Variants in LRBA observed in about 807,000 individuals in gnomAD.
LRBA encodes the protein LPS responsive beige-like anchor protein.
LRBA carries 176 observed loss-of-function variants against 330.0 expected under a neutral mutation model. The ratio of observed to expected loss-of-function variants is 0.53; its 90% confidence interval spans 0.47 to 0.60. LRBA has a LOEUF of 0.60. LRBA is among the 20% of genes least tolerant of loss of function. The pLI, the probability that LRBA is intolerant of heterozygous loss-of-function variation, is 0.00. For synonymous variants in LRBA, 1,230 were observed against 1,193.0 expected, an observed-to-expected ratio of 1.03 and a Z score of -0.64; for missense variants, 3,259 against 3,444.8, an observed-to-expected ratio of 0.95 and a Z score of 1.35.
chr4:150,461,115 A>G (rs538780484), intron 44 of LRBA, among the ~76,000 whole-genome samples: 1 of 151,954 alleles, frequency 6.6e-6, no homozygotes, highest in Non-Finnish European at 1.5e-5. Flanking sequence ...AAAGACAACA[A>G]GAGTAGGGCA....
At chr4:150,789,030 T>C (rs917222064) in intron 34 of LRBA, among the ~76,000 whole-genome samples, 17 of 152,276 alleles carry the variant, frequency 1.1e-4, no homozygotes, top group Admixed American at 1.1e-3. Context: ...GCCGAGATCA[T>C]GCCACTGCAC....
At chr4:150,640,062 T>C (rs1300823513) in intron 37 of LRBA, among the ~76,000 whole-genome samples, 2 of 151,122 alleles carry the variant, frequency 1.3e-5, no homozygotes, top group East Asian at 3.9e-4. Flanking sequence ...TTCACTATGT[T>C]AGCCAGGCTG....
chr4:150,590,912 G>A (rs1772746429), intron 38 of LRBA, 53 bp from the exon 39 acceptor site: 1 of 1,584,610 alleles, frequency 6.3e-7, no homozygotes, highest in Non-Finnish European at 8.6e-7. Context: ...GAGCACTTCG[G>A]CAGAGGGGTA....
intron 37 of LRBA, among the ~76,000 whole-genome samples, chr4:150,661,751 C>T (rs969339688): frequency 6.6e-6 from 1 of 151,816 alleles, no homozygotes. Context: ...GCTGGGATTA[C>T]AGGAGCCCAC....
At chr4:150,689,758 G>A (rs990610292) in intron 36 of LRBA, among the ~76,000 whole-genome samples, 1 of 151,800 alleles carries the variant, frequency 6.6e-6, no homozygotes, top group Admixed American at 6.6e-5. Context: ...AAACCCCATA[G>A]CTACAAAAAT....
chr4:150,634,549 T>C (rs1486265451), intron 37 of LRBA, among the ~76,000 whole-genome samples: 1 of 152,228 alleles, frequency 6.6e-6, no homozygotes, highest in Admixed American at 6.5e-5. Context: ...AAGGTAACTA[T>C]AAATTCAATT....
chr4:151,002,852 T>C (rs1743536411), intron 2 of LRBA, among the ~76,000 whole-genome samples: 1 of 151,064 alleles, frequency 6.6e-6, no homozygotes, highest in Non-Finnish European at 1.5e-5. Flanking sequence ...ACATGGCAAC[T>C]ACCCCCAAAA....
At chr4:150,365,022 AAGAG>A (rs781200308) in intron 47 of LRBA, among the ~76,000 whole-genome samples, 4 of 151,928 alleles carry the variant, frequency 2.6e-5, no homozygotes, top group Non-Finnish European at 5.9e-5. Context: ...GAGAGAGAGA[AAGAG>A]AGAGACAGGG....
chr4:150,908,841 T>G lies in LRBA; in HGVS notation c.1178A>C (p.Lys393Thr), dbSNP rs1385286612. ...GLGYKGTFKF[K>T]AESDLFLAEH... is the part of the protein sequence containing the mutation. ...AGCAAGGAAAAGGTCGCTTTCTGCTTTGAATTTAAATGTACCCTAAGAATT... is the reference window on the plus strand; with the variant it reads ...AGCAAGGAAAAGGTCGCTTTCTGCTGTGAATTTAAATGTACCCTAAGAATT... The change falls in exon 10 of 57, where the codon AAA becomes ACA. Residue 393 changes from lysine (K) to threonine (T), a missense_variant. Lys to Thr is a moderately conservative substitution (Grantham distance 78). Transcript: ENST00000651943. 1.9e-6 allele frequency: 3 copies of G among 1,612,242 alleles called. No homozygotes were observed. In the East Asian group the frequency reaches 6.7e-5, roughly 36 times the overall value.
intron 36 of LRBA, among the ~76,000 whole-genome samples, chr4:150,700,657 T>C (rs1445168342): frequency 6.6e-6 from 1 of 152,120 alleles, no homozygotes; most frequent in Non-Finnish European, 1.5e-5. Flanking sequence ...CTTAAAATTT[T>C]TTAAAATTGT....
At chr4:150,874,611 T>G (rs1753798523) in intron 17 of LRBA, among the ~76,000 whole-genome samples, 1 of 152,204 alleles carries the variant, frequency 6.6e-6, no homozygotes, top group Non-Finnish European at 1.5e-5. Flanking sequence ...CCAGTCTGCA[T>G]GTGTCATTGC....
chr4:150,325,346 T>C (rs942514230), intron 49 of LRBA, among the ~76,000 whole-genome samples: 4 of 152,216 alleles, frequency 2.6e-5, no homozygotes, highest in Admixed American at 1.3e-4. Context: ...TACCAAACCA[T>C]CATTTTTCTC....
At chr4:150,815,547 A>G (rs1012661021) in intron 31 of LRBA, among the ~76,000 whole-genome samples, 23 of 151,940 alleles carry the variant, frequency 1.5e-4, no homozygotes, top group Admixed American at 1.4e-3. Context: ...TCTAAAAAAT[A>G]AAGTCTATTA....
chr4:150,824,136 CT>C (rs768017587), intron 30 of LRBA, among the ~76,000 whole-genome samples: 2 of 151,962 alleles, frequency 1.3e-5, no homozygotes, highest in Non-Finnish European at 2.9e-5. Flanking sequence ...ACTGAGGGAT[CT>C]TTCACTTCTT....
At chr4:150,921,064 T>C (rs1733199614) in intron 5 of LRBA, 134 bp downstream of exon 5, 1 of 567,714 alleles carries the variant, frequency 1.8e-6, no homozygotes. Context: ...TGCACGACTA[T>C]CATAAGGATT....
chr4:150,453,529 T>C (rs1429634485), intron 44 of LRBA, among the ~76,000 whole-genome samples: 1 of 152,196 alleles, frequency 6.6e-6, no homozygotes, highest in East Asian at 1.9e-4. Context: ...TAAGTAGCAT[T>C]AGCAGCCACA....
chr4:150,690,697 T>C (rs1309009492), intron 36 of LRBA, among the ~76,000 whole-genome samples: 2 of 148,880 alleles, frequency 1.3e-5, no homozygotes, highest in African/African-American at 4.9e-5. Flanking sequence ...AAAAGACGAA[T>C]CTTTTCTTTC....
intron 37 of LRBA, among the ~76,000 whole-genome samples, chr4:150,630,395 T>C (rs1007255487): frequency 1.3e-5 from 2 of 151,640 alleles, no homozygotes; most frequent in African/African-American, 4.8e-5. Context: ...ACATAATTCA[T>C]CTGGATGTTG....
At chr4:150,647,722 A>C (rs372869836) in intron 37 of LRBA, among the ~76,000 whole-genome samples, 2 of 152,000 alleles carry the variant, frequency 1.3e-5, no homozygotes, top group Admixed American at 6.6e-5. Context: ...TGAACAACTC[A>C]AAGTTCCTTA....
Sources: gnomAD v4.1 joint callset for allele counts (sites outside exome capture counted in the v4.1 genomes callset) on GRCh38, gnomAD v4.1.1 for gene constraint, MANE v1.5 for transcripts, NCBI Gene and HGNC (gene_info 2026-07-23, HGNC 2026-07-21) for gene names.